Variants in ANGPT2 observed in about 807,000 individuals in gnomAD.
The protein encoded by ANGPT2 is angiopoietin 2, also known as angiopoietin-2.
A neutral mutation model predicts 62.9 loss-of-function variants in ANGPT2; 28 were observed. That is an observed-to-expected ratio of 0.44 (90% confidence interval 0.33 to 0.61). ANGPT2 has a LOEUF of 0.61. ANGPT2 is among the 20% of genes least tolerant of loss of function. The pLI is 0.03. For synonymous variants in ANGPT2, 284 were observed against 207.8 expected, an observed-to-expected ratio of 1.37 and a Z score of -3.15; for missense variants, 727 against 594.9, an observed-to-expected ratio of 1.22 and a Z score of -2.31.
chr8:6,529,900 A>G (rs1323976941), intron 2 of ANGPT2, among the ~76,000 whole-genome samples: 2 of 151,428 alleles, frequency 1.3e-5, no homozygotes, highest in Non-Finnish European at 2.9e-5. Flanking sequence ...TTTAAATCAT[A>G]TGACGCAACA....
intron 1 of ANGPT2, among the ~76,000 whole-genome samples, chr8:6,560,567 G>C (rs1284367975): frequency 1.3e-5 from 2 of 152,168 alleles, no homozygotes; most frequent in Admixed American, 1.3e-4. Flanking sequence ...GCTGAGATAG[G>C]CTGGGAGAAC....
At position 6,527,618 on chromosome 8, in the gene ANGPT2, T is replaced by C. The variant is rs768943503; in HGVS notation, c.503A>G (p.Asn168Ser). 1.2e-6 allele frequency: 2 copies of C among 1,614,100 alleles called. No homozygotes were observed. The highest frequency in any genetic ancestry group is 1.1e-5 in the South Asian group (1 of 91,080). ...GTCCAAAATCTGTTTTTCCAATTTG[T>C]TTGTCGAGAGGGAGTGTTCCAAGAG... ...LQLLEHSLST[N>S]KLEKQILDQT... The change falls in exon 3 of 9, where the codon AAC becomes AGC. Residue 168 changes from asparagine (N) to serine (S), a missense_variant. Transcript: ENST00000629816.
At chr8:6,542,291 G>GGTGT (rs59101845) in intron 1 of ANGPT2, among the ~76,000 whole-genome samples, 3 of 150,046 alleles carry the variant, frequency 2.0e-5, no homozygotes, top group South Asian at 2.1e-4. Flanking sequence ...GTGAGGTAGG[G>GGTGT]GTGTGTGTGT....
At chr8:6,543,536 G>A (rs1004364982) in intron 1 of ANGPT2, among the ~76,000 whole-genome samples, 6 of 152,154 alleles carry the variant, frequency 3.9e-5, no homozygotes, top group South Asian at 2.1e-4. Context: ...GAATAAACCC[G>A]CCCAAACCAT....
chr8:6,522,553 C>T (rs755751544), intron 3 of ANGPT2, among the ~76,000 whole-genome samples: 16 of 152,016 alleles, frequency 1.1e-4, no homozygotes, highest in Admixed American at 3.9e-4. Flanking sequence ...GCAGGTGTAT[C>T]ACTAGAGTCC....
rs377411896 is a variant in ANGPT2, at chr8:6,513,662, C to G, written c.1196+16G>C. 3.1e-6 allele frequency: 5 copies of G among 1,597,548 alleles called. No individual in the cohort carries two copies. Among genetic ancestry groups the G allele is most frequent in the Admixed American group, 3.5e-5 (2 of 57,534 alleles). On this transcript the variant is annotated intron_variant, in intron 7 of 8. Coordinates refer to ENST00000629816, the MANE Select transcript of ANGPT2 (RefSeq NM_001118887.2). Reference sequence around the variant, plus strand: ...ATCTTTTAATTTTTTCTTTCAATTACCATGAACTCACTTACCTATAATTGA... The same window carrying G: ...ATCTTTTAATTTTTTCTTTCAATTAGCATGAACTCACTTACCTATAATTGA...
chr8:6,535,942 A>G (rs1235503885), intron 1 of ANGPT2, among the ~76,000 whole-genome samples: 2 of 151,986 alleles, frequency 1.3e-5, no homozygotes, highest in African/African-American at 4.8e-5. Flanking sequence ...CTGTAGTCTC[A>G]GGTACTGGGG....
intron 3 of ANGPT2, 133 bp from the exon 4 acceptor site, chr8:6,521,543 G>T: frequency 3.0e-6 from 2 of 674,178 alleles, no homozygotes; most frequent in Non-Finnish European, 4.8e-6. Context: ...TGTTACCAGA[G>T]CCCTAAGGAA....
chr8:6,557,557 T>C (rs543543386), intron 1 of ANGPT2, among the ~76,000 whole-genome samples: 14 of 152,092 alleles, frequency 9.2e-5, no homozygotes, highest in Non-Finnish European at 1.8e-4. Context: ...AGAGAATAGG[T>C]GTTGGCTGTC....
chr8:6,522,085 G>T (rs764296609), intron 3 of ANGPT2, among the ~76,000 whole-genome samples: 6 of 152,262 alleles, frequency 3.9e-5, no homozygotes, highest in African/African-American at 1.4e-4. Context: ...GCCGGGCGCA[G>T]TGGCTCACGC....
intron 2 of ANGPT2, among the ~76,000 whole-genome samples, chr8:6,527,899 A>G (rs367929830): frequency 7.5e-6 from 1 of 133,122 alleles, no homozygotes. Context: ...CCACGTCTCT[A>G]TTTTTTTTTT....
At chr8:6,536,592 C>A (rs752261570) in intron 1 of ANGPT2, among the ~76,000 whole-genome samples, 1 of 152,260 alleles carries the variant, frequency 6.6e-6, no homozygotes, top group African/African-American at 2.4e-5. Context: ...ACAAAAGAAT[C>A]TGTGTTTTCT....
chr8:6,519,804 C>T (rs952443080), intron 5 of ANGPT2, 60 bp downstream of exon 5: 7 of 1,582,290 alleles, frequency 4.4e-6, no homozygotes, highest in Admixed American at 3.4e-5. Context: ...TCTGGTTCCT[C>T]ACTCACTAAA....
At chr8:6,512,414 C>T (rs1815343331) in intron 7 of ANGPT2, among the ~76,000 whole-genome samples, 1 of 152,148 alleles carries the variant, frequency 6.6e-6, no homozygotes, top group African/African-American at 2.4e-5. Context: ...GAAGACGAGA[C>T]TGTAGGTCAG....
chr8:6,545,110 C>T (rs564415711), intron 1 of ANGPT2, among the ~76,000 whole-genome samples: 3 of 152,110 alleles, frequency 2.0e-5, no homozygotes, highest in East Asian at 1.9e-4. Flanking sequence ...TGATCCATTT[C>T]CATGAAGCTC....
In ANGPT2 at chr8:6,505,448, C is replaced by A. The variant is rs1299249152; in HGVS notation, c.1328-2187G>T. ...AAAGAATATATATATTCTTTATATA[C>A]ATATAGAATATATATATTCTTTACA... On this transcript the variant is annotated intron_variant, in intron 8 of 8. Transcript: ENST00000629816. Among the ~76,000 whole-genome samples the A allele has an allele frequency of 1.9e-4, 13 of 70,270 alleles. 1 individual carries two copies. Among genetic ancestry groups the A allele is most frequent in the African/African-American group, 6.1e-4 (12 of 19,636 alleles). 46.1% of individuals were successfully genotyped at this position (70,270 alleles called of 152,430 possible).
At chr8:6,504,314 G>C (rs532395390) in intron 8 of ANGPT2, among the ~76,000 whole-genome samples, 1 of 55,120 alleles carries the variant, frequency 1.8e-5, no homozygotes, top group East Asian at 7.8e-4. Context: ...TGAGACTCCA[G>C]CTCAAAAAAA....
chr8:6,544,199 C>T (rs1433247165), intron 1 of ANGPT2, among the ~76,000 whole-genome samples: 1 of 152,178 alleles, frequency 6.6e-6, no homozygotes, highest in Non-Finnish European at 1.5e-5. Context: ...TACCATTTGC[C>T]ATTTCAAATG....
At chr8:6,561,770 T>G (rs1825579543) in intron 1 of ANGPT2, among the ~76,000 whole-genome samples, 1 of 150,468 alleles carries the variant, frequency 6.6e-6, no homozygotes, top group South Asian at 2.3e-4. Context: ...ATAGCTCCCA[T>G]GTTTACATGT....
Sources: allele counts gnomAD v4.1 joint callset (sites outside exome capture counted in the v4.1 genomes callset), GRCh38; gene constraint gnomAD v4.1.1; transcripts MANE v1.5; gene names NCBI Gene and HGNC (gene_info 2026-07-23, HGNC 2026-07-21).